The following LRFN5 variants were observed in gnomAD, a reference collection of about 807,000 sequenced individuals.
The protein encoded by LRFN5 is leucine-rich repeat and fibronectin type-III domain-containing protein 5.
In LRFN5, 24 loss-of-function variants were observed where a neutral mutation model predicts 45.6. The observed-to-expected ratio is 0.53, with a 90% CI of 0.38 to 0.74. The LOEUF (loss-of-function observed/expected upper bound fraction) is 0.74. LRFN5 is among the 30% of genes least tolerant of loss of function. The pLI is 0.00. For synonymous variants in LRFN5, 340 were observed against 313.8 expected (o/e 1.08, Z -0.88); for missense variants, 776 against 861.5 (o/e 0.90, Z 1.24).
In LRFN5 at chr14:41,891,814, G is replaced by A; in HGVS notation, c.1950G>A (p.Lys650=). Residue 650 remains lysine, a synonymous_variant, in exon 4 of 6, where the codon AAG becomes AAA. Coordinates refer to ENST00000298119, the MANE Select transcript of LRFN5 (RefSeq NM_152447.5). The part of the protein sequence containing the change: ...SQKQKRKTGT[K]PSTEPQNEAV... ...AGCAGAAAAGAAAGACTGGCACAAAGCCAAGTACAGAACCACAGAATGAAG... is the reference window on the plus strand; with the variant it reads ...AGCAGAAAAGAAAGACTGGCACAAAACCAAGTACAGAACCACAGAATGAAG... The A allele has an allele frequency of 6.2e-7, 1 of 1,614,138 alleles. No homozygotes were observed. The highest frequency in any genetic ancestry group is 8.5e-7 in the Non-Finnish European group (1 of 1,180,022).
intron 1 of LRFN5, among the ~76,000 whole-genome samples, chr14:41,750,345 A>G (rs7146938): frequency 0.039 from 5,798 of 149,872 alleles, 384 homozygotes; most frequent in East Asian, 0.28. Flanking sequence ...ATTTCTATAT[A>G]GAGAGAGAGA....
chr14:41,780,961 C>T (rs78913781), intron 2 of LRFN5, among the ~76,000 whole-genome samples: 2 of 152,186 alleles, frequency 1.3e-5, no homozygotes, highest in South Asian at 4.1e-4. Flanking sequence ...TTGCCAATTT[C>T]TTTTCCCATC....
At chr14:41,670,613 G>C (rs1168170618) in intron 1 of LRFN5, among the ~76,000 whole-genome samples, 1 of 151,400 alleles carries the variant, frequency 6.6e-6, no homozygotes, top group African/African-American at 2.4e-5. Context: ...GAACCTTTTG[G>C]CCTCTGAATT....
intron 2 of LRFN5, among the ~76,000 whole-genome samples, chr14:41,866,426 A>T (rs935899828): frequency 6.6e-6 from 1 of 152,260 alleles, no homozygotes; most frequent in Non-Finnish European, 1.5e-5. Flanking sequence ...CACTGCCACT[A>T]TTAAATCCTC....
chr14:41,891,302 A>G lies in LRFN5; in HGVS notation c.1438A>G (p.Thr480Ala). 6.2e-7 allele frequency: 1 copy of G among 1,614,064 alleles called. No homozygotes were observed. The highest frequency in any genetic ancestry group is 1.6e-4 in the Middle Eastern group (1 of 6,062). The stretch of plus-strand genomic sequence containing the variant: ...TCTGGTCAATAATCTGGCTGCTGGA[A>G]CTATGTATGACTTGTGTGTCTTGGC... ...TFLVNNLAAGTMYDLCVLAIY... is the reference protein window; with the variant it reads ...TFLVNNLAAGAMYDLCVLAIY... The change falls in exon 4 of 6, where the codon ACT (threonine) becomes GCT (alanine). Residue 480 changes from threonine to alanine, a missense_variant. By Grantham distance (58) the Thr-to-Ala change is moderately conservative. Transcript: ENST00000298119.
intron 2 of LRFN5, among the ~76,000 whole-genome samples, chr14:41,787,109 G>C (rs1399116273): frequency 1.3e-5 from 2 of 150,616 alleles, no homozygotes; most frequent in Non-Finnish European, 3.0e-5. Flanking sequence ...TCTCTTTTCT[G>C]CATTTTCTTC....
At chr14:41,661,510 A>G (rs1265387103) in intron 1 of LRFN5, among the ~76,000 whole-genome samples, 1 of 152,096 alleles carries the variant, frequency 6.6e-6, no homozygotes, top group Non-Finnish European at 1.5e-5. Context: ...AGAGTTAAAT[A>G]AATAAATAAT....
intron 1 of LRFN5, among the ~76,000 whole-genome samples, chr14:41,640,026 C>T (rs1007259218): frequency 2.9e-5 from 4 of 138,248 alleles, no homozygotes; most frequent in African/African-American, 1.1e-4. Context: ...TCTCAAACTC[C>T]TGGGCATAAG....
intron 5 of LRFN5, among the ~76,000 whole-genome samples, chr14:41,899,725 G>A (rs1305186835): frequency 6.6e-6 from 1 of 151,932 alleles, no homozygotes; most frequent in Non-Finnish European, 1.5e-5. Context: ...ATAGGGTCTT[G>A]GTTTTTAACA....
intron 2 of LRFN5, among the ~76,000 whole-genome samples, chr14:41,796,077 AAATC>A (rs1348384900): frequency 4.6e-5 from 7 of 152,048 alleles, no homozygotes; most frequent in African/African-American, 1.7e-4. Flanking sequence ...TAAAAATACA[AAATC>A]AATAAAAGTT....
intron 1 of LRFN5, among the ~76,000 whole-genome samples, chr14:41,757,401 T>C (rs549309088): frequency 3.2e-4 from 49 of 152,290 alleles, no homozygotes; most frequent in African/African-American, 1.1e-3. Flanking sequence ...GTGGTGGGCT[T>C]CACCCAGTTC....
At chr14:41,733,583 A>G (rs1477211275) in intron 1 of LRFN5, 2 of 152,168 alleles carry the variant, frequency 1.3e-5, no homozygotes, top group Non-Finnish European at 2.9e-5. Flanking sequence ...ATAAGAAGAC[A>G]TCAAACAGTA....
chr14:41,808,581 G>GGAAA (rs1321430458), intron 2 of LRFN5, among the ~76,000 whole-genome samples: 1 of 131,730 alleles, frequency 7.6e-6, no homozygotes. Flanking sequence ...AAGGAAGGAA[G>GGAAA]GAAGGAAGGA....
intron 1 of LRFN5, among the ~76,000 whole-genome samples, chr14:41,722,022 GC>G (rs1883736664): frequency 6.6e-6 from 1 of 151,722 alleles, no homozygotes; most frequent in Non-Finnish European, 1.5e-5. Context: ...AGGTTTGGTT[GC>G]TTTACATAAT....
At chr14:41,893,209 A>G in intron 4 of LRFN5, 3 of 975,418 alleles carry the variant, frequency 3.1e-6, no homozygotes, top group Non-Finnish European at 3.7e-6. Flanking sequence ...ATTTTTTAAA[A>G]CAGGATTTTA....
intron 1 of LRFN5, among the ~76,000 whole-genome samples, chr14:41,633,744 T>C (rs1717393404): frequency 6.6e-6 from 1 of 152,178 alleles, no homozygotes; most frequent in Non-Finnish European, 1.5e-5. Context: ...TGTTGCCTTC[T>C]CTAGTTAGAA....
At chr14:41,780,388 TTG>T (rs60803618) in intron 2 of LRFN5, among the ~76,000 whole-genome samples, 41,030 of 151,748 alleles carry the variant, frequency 0.27, 6,611 homozygotes, top group East Asian at 0.69. Context: ...TTAAGGATTG[TTG>T]TGTCTTCCTG....
intron 2 of LRFN5, among the ~76,000 whole-genome samples, chr14:41,845,096 G>T (rs986319596): frequency 6.6e-6 from 1 of 151,738 alleles, no homozygotes; most frequent in African/African-American, 2.4e-5. Flanking sequence ...TCTAACACTA[G>T]GCTCACTGAA....
intron 2 of LRFN5, among the ~76,000 whole-genome samples, chr14:41,880,729 C>T (rs1003851430): frequency 2.0e-5 from 3 of 152,006 alleles, no homozygotes; most frequent in African/African-American, 7.2e-5. Context: ...GAGAAGAGTT[C>T]GTATCTCCAA....
Sources: gnomAD v4.1 joint callset for allele counts (sites outside exome capture counted in the v4.1 genomes callset) on GRCh38, gnomAD v4.1.1 for gene constraint, MANE v1.5 for transcripts, NCBI Gene and HGNC (gene_info 2026-07-23, HGNC 2026-07-21) for gene names.